Variants in GABRB3 observed in about 807,000 individuals in gnomAD.
GABRB3 encodes gamma-aminobutyric acid receptor subunit beta-3.
GABRB3 carries 14 observed loss-of-function variants against 52.1 expected under a neutral mutation model. That is an observed-to-expected ratio of 0.27 (90% CI 0.18 to 0.42). The LOEUF is 0.42. Ranked by LOEUF, GABRB3 falls within the 10% of genes least tolerant of loss-of-function variation. The pLI, the probability that GABRB3 is intolerant of heterozygous loss-of-function variation, is 1.00. For missense variants in GABRB3, 307 were observed against 609.1 expected, an observed-to-expected ratio of 0.50 and a Z score of 5.22; for synonymous variants, 260 against 232.3, an observed-to-expected ratio of 1.12 and a Z score of -1.08.
chr15:26,579,025 C>A (rs1159130012), intron 6 of GABRB3, among the ~76,000 whole-genome samples: 1 of 152,174 alleles, frequency 6.6e-6, no homozygotes, highest in Non-Finnish European at 1.5e-5. Flanking sequence ...GAAAAAGGAT[C>A]TGATTGGTGT....
At chr15:26,590,368 G>A (rs915808969) in intron 4 of GABRB3, 14 of 152,062 alleles carry the variant, frequency 9.2e-5, no homozygotes, top group Admixed American at 2.6e-4. Context: ...TTGTGGCCAC[G>A]GGTTAGCACC....
chr15:26,724,236 G>A (rs142146890), intron 3 of GABRB3, among the ~76,000 whole-genome samples: 98 of 152,172 alleles, frequency 6.4e-4, no homozygotes, highest in African/African-American at 2.2e-3. Flanking sequence ...CAGTATCAGT[G>A]GATCCTCTCT....
intron 3 of GABRB3, among the ~76,000 whole-genome samples, chr15:26,771,329 G>A (rs1595362701): frequency 6.6e-6 from 1 of 152,138 alleles, no homozygotes; most frequent in East Asian, 1.9e-4. Context: ...GAATCCCTTG[G>A]AGTGAGGAAC....
chr15:26,545,543 C>A lies in GABRB3; in HGVS notation c.*2250G>T, dbSNP rs1221287022. ...AAATAGACCATTGACTGTTTTTGTC[C>A]ACATCCATTTACATTTTGGGGTCCC... is the stretch of plus-strand genomic sequence containing the variant. On this transcript the variant is annotated 3_prime_UTR_variant, in exon 9 of 9. Transcript: ENST00000311550. 6.6e-6 allele frequency: 1 copy of A among 152,520 alleles called. No individual in the cohort carries two copies. The highest frequency in any genetic ancestry group is 2.4e-5 in the African/African-American group (1 of 41,412). The allele number at this position is 152,520 out of a possible 1,614,324, so 9.4% of individuals were successfully genotyped here.
At position 26,548,059 on chromosome 15, in the gene GABRB3, C is replaced by T; in HGVS notation, c.1156G>A (p.Gly386Ser). The change falls in exon 9 of 9, where the codon GGC becomes AGC. Residue 386 changes from glycine to serine, a missense_variant. Gly to Ser is a moderately conservative substitution (Grantham distance 56, BLOSUM62 0). Coordinates refer to ENST00000311550, the MANE Select transcript of GABRB3 (RefSeq NM_000814.6). ...NEMNEVSGGI[G>S]DTRNSAISFD... is the part of the protein sequence containing the mutation. The stretch of plus-strand genomic sequence containing the variant: ...GATATTGCTGAATTCCTGGTATCGC[C>T]AATGCCGCCTGAGACCTCATTCATT... 1 of 1,614,142 alleles carries T rather than the reference C, an allele frequency of 6.2e-7. No homozygotes were observed. Among genetic ancestry groups the T allele is most frequent in the Non-Finnish European group, 8.5e-7 (1 of 1,180,026 alleles).
intron 3 of GABRB3, among the ~76,000 whole-genome samples, chr15:26,701,104 T>A (rs28713599): frequency 0.013 from 1,983 of 151,892 alleles, 42 homozygotes; most frequent in African/African-American, 0.045. Context: ...GAAGAGGACT[T>A]TCTCAACTTG....
chr15:26,603,905 G>A (rs1431022271), intron 4 of GABRB3, among the ~76,000 whole-genome samples: 1 of 152,054 alleles, frequency 6.6e-6, no homozygotes, highest in Non-Finnish European at 1.5e-5. Flanking sequence ...GTTCAACATA[G>A]TACTGTAAGT....
At chr15:26,592,763 C>T (rs1281646599) in intron 4 of GABRB3, among the ~76,000 whole-genome samples, 2 of 152,076 alleles carry the variant, frequency 1.3e-5, no homozygotes, top group Admixed American at 1.3e-4. Context: ...GGATTCTGTC[C>T]CAGCACTTTG....
intron 3 of GABRB3, among the ~76,000 whole-genome samples, chr15:26,721,390 C>T (rs1047282942): frequency 1.8e-4 from 28 of 151,990 alleles, no homozygotes; most frequent in Non-Finnish European, 1.9e-4. Flanking sequence ...AATCACTCAT[C>T]AATGGAGAGG....
chr15:26,737,084 A>T (rs532304298), intron 3 of GABRB3, among the ~76,000 whole-genome samples: 1 of 151,674 alleles, frequency 6.6e-6, no homozygotes, highest in East Asian at 2.0e-4. Context: ...AATGAGAGAA[A>T]CTCTCTAGGT....
chr15:26,636,077 T>C (rs997113873), intron 3 of GABRB3, among the ~76,000 whole-genome samples: 1 of 152,312 alleles, frequency 6.6e-6, no homozygotes, highest in Middle Eastern at 3.4e-3. Context: ...AATACTGTAA[T>C]CAAAGCCCAG....
intron 7 of GABRB3, among the ~76,000 whole-genome samples, chr15:26,564,102 T>C (rs1039227792): frequency 9.9e-5 from 15 of 152,114 alleles, no homozygotes; most frequent in Admixed American, 8.5e-4. Flanking sequence ...TGGAACGTTT[T>C]GAGCACCTCC....
intron 3 of GABRB3, among the ~76,000 whole-genome samples, chr15:26,747,158 A>G (rs1333921640): frequency 6.6e-6 from 1 of 152,170 alleles, no homozygotes; most frequent in Admixed American, 6.5e-5. Flanking sequence ...TTCTCCTCAA[A>G]TCAGTCTATA....
chr15:26,719,769 G>A (rs764311525), intron 3 of GABRB3, among the ~76,000 whole-genome samples: 10 of 152,114 alleles, frequency 6.6e-5, no homozygotes, highest in Non-Finnish European at 1.3e-4. Context: ...GAAGAAATTA[G>A]GACAATAAGA....
chr15:26,709,860 T>C (rs1889238953), intron 3 of GABRB3, among the ~76,000 whole-genome samples: 1 of 152,174 alleles, frequency 6.6e-6, no homozygotes, highest in African/African-American at 2.4e-5. Flanking sequence ...CCAGTATTCC[T>C]TTATAGCAAC....
chr15:26,640,591 C>A (rs1893175294), intron 3 of GABRB3, among the ~76,000 whole-genome samples: 2 of 152,118 alleles, frequency 1.3e-5, no homozygotes, highest in Admixed American at 1.3e-4. Flanking sequence ...TTAATTGTAC[C>A]TTTTCCTGAT....
At chr15:26,574,302 A>G (rs1469200211) in intron 6 of GABRB3, among the ~76,000 whole-genome samples, 1 of 152,184 alleles carries the variant, frequency 6.6e-6, no homozygotes, top group African/African-American at 2.4e-5. Context: ...GAACCCTCCT[A>G]TACTTCCCGT....
At position 26,721,275 on chromosome 15, in the gene GABRB3, G is replaced by T. The variant is rs1889636500; in HGVS notation, c.240+51127C>A. Among the ~76,000 whole-genome samples, 7 of 152,256 alleles carry T rather than the reference G, an allele frequency of 4.6e-5. No homozygotes were observed. The South Asian group carries it at 1.2e-3, about 27-fold the overall frequency. The stretch of plus-strand genomic sequence containing the variant: ...GAAACTGCAGGCAGGAGAAGCTCTG[G>T]AAACAGAGCAGAAGTGGCCCTTTGG... On this transcript the variant is annotated intron_variant, in intron 3 of 8. Coordinates refer to ENST00000311550, the MANE Select transcript of GABRB3 (RefSeq NM_000814.6).
At chr15:26,673,002 A>G (rs1223649177) in intron 3 of GABRB3, among the ~76,000 whole-genome samples, 2 of 152,208 alleles carry the variant, frequency 1.3e-5, no homozygotes, top group Non-Finnish European at 2.9e-5. Flanking sequence ...AATGCACAAA[A>G]TGGAAAAACT....
Sources: allele counts gnomAD v4.1 joint callset (sites outside exome capture counted in the v4.1 genomes callset), GRCh38; gene constraint gnomAD v4.1.1; transcripts MANE v1.5; gene names NCBI Gene and HGNC (gene_info 2026-07-23, HGNC 2026-07-21).